The following PTBP1 variants were observed in gnomAD, a reference collection of about 807,000 sequenced individuals.
PTBP1 encodes the protein polypyrimidine tract-binding protein 1.
PTBP1 carries 8 observed loss-of-function variants against 59.8 expected under a neutral mutation model. The ratio of observed to expected loss-of-function variants is 0.13; its 90% CI spans 0.08 to 0.24. PTBP1 has a LOEUF of 0.24. Ranked by LOEUF, PTBP1 falls within the 10% of genes least tolerant of loss-of-function variation. The probability of loss-of-function intolerance (pLI) is 1.00; values close to 1 mark genes in which losing one functional copy is unlikely to be tolerated. For synonymous variants in PTBP1, 490 were observed against 320.7 expected, an observed-to-expected ratio of 1.53 and a Z score of -5.64; for missense variants, 686 against 767.0, an observed-to-expected ratio of 0.89 and a Z score of 1.25.
chr19:804,618 G>C lies in PTBP1; in HGVS notation c.522G>C (p.Gly174=). The part of the protein sequence containing the change: ...LAASAAAVDA[G]MAMAGQSPVL... The stretch of plus-strand genomic sequence containing the variant: ...CCTCGGCGGCGGCCGTGGACGCAGG[G>C]ATGGCGATGGCCGGGCAGAGCCCCG... The change falls in exon 6 of 15, where the codon GGG becomes GGC. Residue 174 remains glycine (G), a synonymous_variant. Coordinates refer to ENST00000356948, the MANE Select transcript of PTBP1 (RefSeq NM_002819.5). The C allele has an allele frequency of 1.2e-6, 2 of 1,612,658 alleles. No homozygotes were observed. Among genetic ancestry groups the C allele is most frequent in the East Asian group, 2.2e-5 (1 of 44,868 alleles).
At chr19:810,387 A>G (rs1033541907) in intron 13 of PTBP1, among the ~76,000 whole-genome samples, 156 bp from the exon 14 acceptor site, 3 of 152,172 alleles carry the variant, frequency 2.0e-5, no homozygotes, top group East Asian at 1.9e-4. Context: ...GCTTCAGACC[A>G]TTGTGGACAT....
At chr19:806,044 C>A (rs889556480) in intron 9 of PTBP1, 7 of 243,578 alleles carry the variant, frequency 2.9e-5, no homozygotes, top group African/African-American at 1.6e-4. Flanking sequence ...GCCCGGCGGC[C>A]GCCTCGTCTG....
rs374189015 is a variant in PTBP1 at position 810,836 on chromosome 19, C to G, written c.*10C>G. On this transcript the variant is annotated 3_prime_UTR_variant, in exon 15 of 15. Coordinates refer to ENST00000356948, the MANE Select transcript of PTBP1 (RefSeq NM_002819.5). The stretch of plus-strand genomic sequence containing the variant: ...CAAGTCCACCATCTAGGGGCACAGG[C>G]CCCCACGGCCGGGCCCCCTGGCGAC... 8 of 1,529,328 alleles carry G rather than the reference C, an allele frequency of 5.2e-6. No homozygotes were observed. In the African/African-American group the frequency reaches 9.9e-5, roughly 19 times the overall value. The allele number at this position is 1,529,328 out of a possible 1,614,324, so 94.7% of individuals were successfully genotyped here.
At chr19:798,813 C>G (rs2034197757) in intron 1 of PTBP1, among the ~76,000 whole-genome samples, 1 of 152,230 alleles carries the variant, frequency 6.6e-6, no homozygotes, top group African/African-American at 2.4e-5. Flanking sequence ...CCGGGGTGTC[C>G]CGAGGAGGGA....
rs1176336691 is a variant in PTBP1, at chr19:803,409, G to A, written c.40-152G>A. 33 of 670,468 alleles carry A rather than the reference G, an allele frequency of 4.9e-5. 1 individual carries two copies. The highest frequency in any genetic ancestry group is 4.4e-4 in the South Asian group (25 of 56,722). 41.5% of individuals were successfully genotyped at this position (670,468 alleles called of 1,614,324 possible). A position where few individuals can be genotyped will look rare whatever the true frequency, so the allele number is the denominator to read the frequency against. On this transcript the variant is annotated intron_variant, in intron 2 of 14. Transcript: ENST00000356948. ...GTGCGCGTCCATGGGCTGGGTCTGC[G>A]CTCAGGCTGCCCTGCCGTGGAAGTG...
Position 808,884 on chromosome 19 carries a change from C to T in PTBP1, c.1463+122C>T, listed in dbSNP as rs564833303. ...GAGTGCAGGTCGGGCACCTCTTACCCCAAACCTGAAGTACTGCAAGGCCTG... is the reference window on the plus strand; with the variant it reads ...GAGTGCAGGTCGGGCACCTCTTACCTCAAACCTGAAGTACTGCAAGGCCTG... On this transcript the variant is annotated intron_variant, in intron 13 of 14. Coordinates refer to ENST00000356948, the MANE Select transcript of PTBP1 (RefSeq NM_002819.5). This position sits in a 1 kb window ranked among gnomAD's most constrained non-coding sequence, Gnocchi z 4.7. The T allele has an allele frequency of 3.9e-5, 36 of 920,390 alleles. No individual in the cohort carries two copies. The South Asian group carries it at 5.5e-4, about 14-fold the overall frequency. 57.0% of individuals were successfully genotyped at this position (920,390 alleles called of 1,614,324 possible).
At chr19:805,209 C>T (rs377731084) in intron 8 of PTBP1, 22 bp downstream of exon 8, 46 of 1,611,176 alleles carry the variant, frequency 2.9e-5, no homozygotes, top group Middle Eastern at 3.4e-4. Flanking sequence ...CCCGACGCGG[C>T]GCCAGTGTGC....
intron 6 of PTBP1, 42 bp from the exon 7 acceptor site, chr19:804,787 G>A: frequency 6.2e-7 from 1 of 1,607,982 alleles, no homozygotes; most frequent in Non-Finnish European, 8.5e-7. Flanking sequence ...CAGGGCTGGT[G>A]GGCACCGGGC....
At chr19:810,393 G>A (rs1472122376) in intron 13 of PTBP1, 150 bp from the exon 14 acceptor site, 6 of 625,928 alleles carry the variant, frequency 9.6e-6, no homozygotes, top group Non-Finnish European at 1.7e-5. Flanking sequence ...GACCATTGTG[G>A]ACATGATTTG....
chr19:798,524 C>T (rs1425490197), intron 1 of PTBP1: 1 of 152,288 alleles, frequency 6.6e-6, no homozygotes, highest in East Asian at 1.9e-4. Flanking sequence ...GGGTCTGGAC[C>T]CCTTAGCATG....
chr19:804,185 C>T lies in PTBP1; in HGVS notation c.265C>T (p.Leu89=). ...GLPFGKVTNL[L]MLKGKNQAFI... is the part of the protein sequence containing the mutation. ...GCCCTTTGGGAAGGTCACCAACCTCCTGATGCTGAAGGGGAAAAACCAGGT... is the reference window on the plus strand; with the variant it reads ...GCCCTTTGGGAAGGTCACCAACCTCTTGATGCTGAAGGGGAAAAACCAGGT... Residue 89 remains leucine (L), a synonymous_variant, in exon 4 of 15, where the codon CTG becomes TTG. Transcript: ENST00000356948. The T allele has an allele frequency of 1.2e-6, 2 of 1,608,968 alleles. No homozygotes were observed. Among genetic ancestry groups the T allele is most frequent in the East Asian group, 2.2e-5 (1 of 44,774 alleles).
At chr19:804,966 C>CGCCCTGGCCCTG (rs747794719) in intron 7 of PTBP1, 27 bp downstream of exon 7, 1 of 1,612,138 alleles carries the variant, frequency 6.2e-7, no homozygotes, top group East Asian at 2.2e-5. Flanking sequence ...GGACGGCGCC[C>CGCCCTGGCCCTG]GCCCTGGCCC....
intron 9 of PTBP1, chr19:806,064 A>C: frequency 1.2e-5 from 3 of 258,042 alleles, no homozygotes; most frequent in East Asian, 9.1e-5. Flanking sequence ...GCATGGAGGC[A>C]TGGGCGCGCA....
At position 802,903 on chromosome 19, in the gene PTBP1, C is replaced by T. The variant is rs952274577; in HGVS notation, c.40-658C>T. Among the ~76,000 whole-genome samples the T allele has an allele frequency of 5.3e-5, 8 of 152,302 alleles. No homozygotes were observed. The East Asian group carries it at 5.8e-4, about 11-fold the overall frequency. On this transcript the variant is annotated intron_variant, in intron 2 of 14. Transcript: ENST00000356948. ...ATGGACAGGTCAGAAGTGATGGAGC[C>T]GCTGTGGAGCTCCCCCGGCCCTAGT...
rs2034657791 is a variant in PTBP1 at position 808,002 on chromosome 19, C to T, written c.1153+100C>T. The T allele has an allele frequency of 1.8e-6, 2 of 1,091,714 alleles. No homozygotes were observed. Among genetic ancestry groups the T allele is most frequent in the South Asian group, 2.5e-5 (2 of 79,042 alleles). 67.6% of individuals were successfully genotyped at this position (1,091,714 alleles called of 1,614,324 possible). The stretch of plus-strand genomic sequence containing the variant: ...GAGTTTGCGGTTTGGCACTCTGATG[C>T]TCCGTGGCATCCGCCTCGTTTTATG... On this transcript the variant is annotated intron_variant, in intron 11 of 14. Transcript: ENST00000356948. This position sits in a 1 kb window ranked among gnomAD's most constrained non-coding sequence, Gnocchi z 4.7.
chr19:802,787 G>T (rs142433570), intron 2 of PTBP1, among the ~76,000 whole-genome samples: 6 of 152,296 alleles, frequency 3.9e-5, no homozygotes, highest in African/African-American at 1.2e-4. Context: ...GATGTCTGCC[G>T]TCCTGAGCCT....
chr19:804,955 G>A lies in PTBP1; in HGVS notation c.717+16G>A, dbSNP rs771228280. ...CGCCAAGCTGGTGAGTGGGGCTCCC[G>A]GGACGGCGCCCGCCCTGGCCCTGGC... On this transcript the variant is annotated intron_variant, in intron 7 of 14. Transcript: ENST00000356948. 51 of 1,612,672 alleles carry A rather than the reference G, an allele frequency of 3.2e-5. No individual in the cohort carries two copies. The highest frequency in any genetic ancestry group is 4.0e-5 in the African/African-American group (3 of 74,886).
intron 3 of PTBP1, 74 bp from the exon 4 acceptor site, chr19:803,962 A>G: frequency 6.4e-7 from 1 of 1,566,664 alleles, no homozygotes; most frequent in Non-Finnish European, 8.7e-7. Flanking sequence ...GCAGGGCTCT[A>G]GGGGGATAGC....
At chr19:802,755 CT>C (rs774346358) in intron 2 of PTBP1, among the ~76,000 whole-genome samples, 3 of 152,232 alleles carry the variant, frequency 2.0e-5, no homozygotes, top group Non-Finnish European at 4.4e-5. Context: ...AAACGTGTGT[CT>C]TCAATCCTTG....
Sources: gnomAD v4.1 joint callset for allele counts (sites outside exome capture counted in the v4.1 genomes callset) on GRCh38, gnomAD v4.1.1 for gene constraint, Gnocchi (gnomAD v3.1) non-coding constraint, MANE v1.5 for transcripts, NCBI Gene and HGNC (gene_info 2026-07-23, HGNC 2026-07-21) for gene names.